AFAP1: variants seen among roughly 807,000 people sequenced by gnomAD.
AFAP1 encodes the protein actin filament-associated protein 1.
A neutral mutation model predicts 93.9 loss-of-function variants in AFAP1; 75 were observed. The ratio of observed to expected loss-of-function variants is 0.80; its 90% confidence interval spans 0.66 to 0.97. AFAP1 has a LOEUF of 0.97. AFAP1 is among the 50% of genes least tolerant of loss of function. The pLI, the probability that AFAP1 is intolerant of heterozygous loss-of-function variation, is 0.00. For missense variants in AFAP1, 1,201 were observed against 1,050.8 expected, an observed-to-expected ratio of 1.14 and a Z score of -1.98; for synonymous variants, 517 against 430.7, an observed-to-expected ratio of 1.20 and a Z score of -2.48.
chr4:7,878,498 C>T (rs1326631989), intron 1 of AFAP1, among the ~76,000 whole-genome samples: 1 of 152,210 alleles, frequency 6.6e-6, no homozygotes, highest in Admixed American at 6.5e-5. Context: ...GCTGCTTCTC[C>T]AAGGTCAAGA....
Position 7,894,201 on chromosome 4 carries a change from A to G in AFAP1, c.-2-22121T>C, listed in dbSNP as rs1718636570. On this transcript the variant is annotated intron_variant, in intron 1 of 17. Coordinates refer to ENST00000420658, the MANE Select transcript of AFAP1 (RefSeq NM_001134647.2). ...GCAGCCCACACCTGGCCCAAAGCCT[A>G]TTTTTGTCAATAATGTTTTATCGGA... 2.6e-5 allele frequency among the ~76,000 whole-genome samples: 4 copies of G among 152,248 alleles called. No homozygotes were observed. In the South Asian group the frequency reaches 8.3e-4, roughly 32 times the overall value.
rs1432432397 is a variant in AFAP1, at chr4:7,763,729, G to A, written c.*36C>T. On this transcript the variant is annotated 3_prime_UTR_variant, in exon 18 of 18. Coordinates refer to ENST00000420658, the MANE Select transcript of AFAP1 (RefSeq NM_001134647.2). ...CAGATGAGGATACAGGCAAGGGGGTGTGCAGTCTCTGAGGCTGGAGTGGTG... is the reference window on the plus strand; with the variant it reads ...CAGATGAGGATACAGGCAAGGGGGTATGCAGTCTCTGAGGCTGGAGTGGTG... The A allele has an allele frequency of 1.9e-6, 3 of 1,551,326 alleles. No homozygotes were observed. The highest frequency in any genetic ancestry group is 2.4e-5 in the South Asian group (2 of 84,042).
intron 17 of AFAP1, among the ~76,000 whole-genome samples, chr4:7,766,542 C>T (rs1464508501): frequency 8.3e-6 from 1 of 119,908 alleles, no homozygotes; most frequent in Non-Finnish European, 1.7e-5. Context: ...GAAACAGAAT[C>T]TCCAGGTGAC....
intron 9 of AFAP1, among the ~76,000 whole-genome samples, chr4:7,801,318 TAA>T (rs1373582795): frequency 6.6e-6 from 1 of 152,058 alleles, no homozygotes; most frequent in African/African-American, 2.4e-5. Flanking sequence ...ATCTAAACTC[TAA>T]AGTCTGAATC....
At chr4:7,903,563 C>T (rs1719234928) in intron 1 of AFAP1, among the ~76,000 whole-genome samples, 1 of 152,214 alleles carries the variant, frequency 6.6e-6, no homozygotes, top group South Asian at 2.1e-4. Context: ...CCTGTAATCC[C>T]AGTTACTCAG....
chr4:7,902,660 T>G lies in AFAP1; in HGVS notation c.-2-30580A>C, dbSNP rs536694770. 4.6e-5 allele frequency among the ~76,000 whole-genome samples: 7 copies of G among 152,326 alleles called. No homozygotes were observed. In the South Asian group the frequency reaches 1.5e-3, roughly 32 times the overall value. ...TGAACATAATTTTCATCTGCTGGGC[T>G]TTTTCTCCACAAACTGTGACCCTGG... is the stretch of plus-strand genomic sequence containing the variant. On this transcript the variant is annotated intron_variant, in intron 1 of 17. Transcript: ENST00000420658.
At chr4:7,908,928 C>T (rs1719576196) in intron 1 of AFAP1, among the ~76,000 whole-genome samples, 1 of 83,600 alleles carries the variant, frequency 1.2e-5, no homozygotes, top group Non-Finnish European at 2.5e-5. Context: ...TGAAACCAAA[C>T]AAACAAAGCT....
At chr4:7,798,296 A>AC (rs1718663349) in intron 10 of AFAP1, among the ~76,000 whole-genome samples, 1 of 148,536 alleles carries the variant, frequency 6.7e-6, no homozygotes, top group East Asian at 2.1e-4. Context: ...GGCTCACGGC[A>AC]TTGCAACCCT....
intron 1 of AFAP1, among the ~76,000 whole-genome samples, chr4:7,892,844 G>A (rs1351913130): frequency 1.3e-5 from 2 of 152,126 alleles, no homozygotes; most frequent in African/African-American, 4.8e-5. Context: ...ATGTGGTGGG[G>A]GAGCAGCGGG....
Position 7,763,753 on chromosome 4 carries a change from T to A in AFAP1, c.*12A>T, listed in dbSNP as rs1280964045. 1.3e-6 allele frequency: 2 copies of A among 1,551,610 alleles called. No homozygotes were observed. The highest frequency in any genetic ancestry group is 2.4e-5 in the South Asian group (2 of 84,044). On this transcript the variant is annotated 3_prime_UTR_variant, in exon 18 of 18. Transcript: ENST00000420658. ...TGTGCAGTCTCTGAGGCTGGAGTGGTGCTGCTGTCCCCTAGGTCCCGTTCT... is the reference window on the plus strand; with the variant it reads ...TGTGCAGTCTCTGAGGCTGGAGTGGAGCTGCTGTCCCCTAGGTCCCGTTCT...
rs1438870220 is a variant in AFAP1 at position 7,868,674 on chromosome 4, C to G, written c.173G>C (p.Ser58Thr). 1.2e-6 allele frequency: 2 copies of G among 1,613,498 alleles called. No homozygotes were observed. The highest frequency in any genetic ancestry group is 1.7e-6 in the Non-Finnish European group (2 of 1,179,950). Residue 58 changes from serine to threonine, a missense_variant, in exon 3 of 18, where the codon AGC (serine) becomes ACC (threonine). By Grantham distance (58) the Ser-to-Thr change is moderately conservative. Transcript: ENST00000420658. ...GGGCATCTGAGGAGGGGCTGGCAGG[C>G]TGTTAGCGGTCTCCTGCTTCTGAGC... ...DHAQKQETAN[S>T]LPAPPQMPLP...
chr4:7,882,247 A>T (rs777627356), intron 1 of AFAP1, among the ~76,000 whole-genome samples: 8 of 152,178 alleles, frequency 5.3e-5, no homozygotes, highest in African/African-American at 1.9e-4. Context: ...AGAAAAAAAT[A>T]ATTTACCAGA....
chr4:7,929,709 G>A (rs1216676885), intron 1 of AFAP1, among the ~76,000 whole-genome samples: 1 of 152,190 alleles, frequency 6.6e-6, no homozygotes, highest in East Asian at 1.9e-4. Context: ...GGCCCCACCT[G>A]GGCTGGAATG....
At position 7,773,030 on chromosome 4, in the gene AFAP1, C is replaced by T. The variant is rs762978951; in HGVS notation, c.2063-20G>A. 33 of 1,601,342 alleles carry T rather than the reference C, an allele frequency of 2.1e-5. No individual in the cohort carries two copies. The highest frequency in any genetic ancestry group is 3.3e-4 in the Middle Eastern group (2 of 6,080). On this transcript the variant is annotated intron_variant, in intron 15 of 17. Coordinates refer to ENST00000420658, the MANE Select transcript of AFAP1 (RefSeq NM_001134647.2). ...TCCTGCCTGGAATTCCCAGAAACGC[C>T]GTTACTCCCGCGGCAGGCACAGGTT...
chr4:7,872,954 A>C (rs1450558770), intron 1 of AFAP1, among the ~76,000 whole-genome samples: 2 of 150,082 alleles, frequency 1.3e-5, no homozygotes, highest in South Asian at 2.1e-4. Flanking sequence ...AAAAAAAAAA[A>C]AAAAAACTAC....
At chr4:7,847,231 T>G (rs1447759274) in intron 4 of AFAP1, among the ~76,000 whole-genome samples, 1 of 151,976 alleles carries the variant, frequency 6.6e-6, no homozygotes, top group African/African-American at 2.4e-5. Flanking sequence ...AAAGTATGCT[T>G]AGCGATGACC....
intron 10 of AFAP1, among the ~76,000 whole-genome samples, chr4:7,798,173 T>C (rs1414348543): frequency 9.3e-6 from 1 of 107,476 alleles, no homozygotes; most frequent in Non-Finnish European, 2.0e-5. Flanking sequence ...CTCTACTGGC[T>C]GGCTCACGGC....
chr4:7,845,617 C>T (rs556699325), intron 4 of AFAP1, among the ~76,000 whole-genome samples: 6 of 152,108 alleles, frequency 3.9e-5, no homozygotes, highest in African/African-American at 1.2e-4. Flanking sequence ...TGGTCTGGGT[C>T]ACAGGTCTCT....
intron 1 of AFAP1, among the ~76,000 whole-genome samples, chr4:7,927,684 T>C (rs1214160359): frequency 6.6e-6 from 1 of 152,136 alleles, no homozygotes; most frequent in Non-Finnish European, 1.5e-5. Flanking sequence ...GTAACATATA[T>C]GTATATATAC....
Sources: gnomAD v4.1 joint callset for allele counts (sites outside exome capture counted in the v4.1 genomes callset) on GRCh38, gnomAD v4.1.1 for gene constraint, MANE v1.5 for transcripts, NCBI Gene and HGNC (gene_info 2026-07-23, HGNC 2026-07-21) for gene names.